UBE2D3: variants seen among roughly 807,000 people sequenced by gnomAD.
UBE2D3 encodes the protein ubiquitin-conjugating enzyme E2 D3.
UBE2D3 carries 2 observed loss-of-function variants against 22.8 expected under a neutral mutation model. The observed-to-expected ratio is 0.09, with a 90% confidence interval of 0.04 to 0.28. The LOEUF is 0.28. UBE2D3 is among the 10% of genes least tolerant of loss of function. The pLI is 1.00. For missense variants in UBE2D3, 27 were observed against 182.5 expected (o/e 0.15, Z 4.91); for synonymous variants, 56 against 60.4 (o/e 0.93, Z 0.34).
intron 7 of UBE2D3, 66 bp downstream of exon 7, chr4:102,799,341 C>G (rs1725756558): frequency 1.6e-6 from 2 of 1,287,688 alleles, no homozygotes; most frequent in Non-Finnish European, 2.2e-6. Flanking sequence ...GGCACTGTCA[C>G]AAGCAAAGTA....
chr4:102,809,447 T>C (rs539431805), intron 4 of UBE2D3: 8 of 540,078 alleles, frequency 1.5e-5, no homozygotes, highest in African/African-American at 1.3e-4. Context: ...TGGTAGGTCA[T>C]AGAGATGGCT....
Position 102,847,942 on chromosome 4 carries a change from TA to T in UBE2D3, c.-129+20772del, listed in dbSNP as rs768448048. ...TACAGGTATTAGCCACCATGCCCCT[TA>T]ACCCACGTATGCCTAGCGTTCCATT... On this transcript the variant is annotated intron_variant, in intron 1 of 7. Coordinates refer to the UBE2D3 transcript ENST00000338145. Among the ~76,000 whole-genome samples, 48 of 152,270 alleles carry T rather than the reference TA, an allele frequency of 3.2e-4. No individual in the cohort carries two copies. In the East Asian group the frequency reaches 3.5e-3, roughly 11 times the overall value.
chr4:102,829,725 A>G (rs911381023), upstream of UBE2D3, among the ~76,000 whole-genome samples: 1 of 151,948 alleles, frequency 6.6e-6, no homozygotes, highest in African/African-American at 2.4e-5. Context: ...ATCATATGAG[A>G]TCAGGAGTTC....
chr4:102,860,111 C>T (rs1358818180), intron 1 of UBE2D3, among the ~76,000 whole-genome samples: 6 of 152,090 alleles, frequency 3.9e-5, no homozygotes, highest in Non-Finnish European at 8.8e-5. Flanking sequence ...CCTCCCAAAG[C>T]ACTGGGATTA....
chr4:102,853,727 G>C (rs1196808313), intron 1 of UBE2D3, among the ~76,000 whole-genome samples: 2 of 152,112 alleles, frequency 1.3e-5, no homozygotes, highest in Admixed American at 6.5e-5. Context: ...GATCATGGGA[G>C]ACTGAAACGC....
At position 102,863,579 on chromosome 4, in the gene UBE2D3, C is replaced by G. The variant is rs546990489; in HGVS notation, c.-129+5136G>C. ...TACAATCTCAGCTCACTGCAACCTC[C>G]ATCTCCCGGGTTCAAGTGATTCTCA... On this transcript the variant is annotated intron_variant, in intron 1 of 7. Transcript: ENST00000338145. 2.6e-5 allele frequency among the ~76,000 whole-genome samples: 4 copies of G among 152,262 alleles called. No individual in the cohort carries two copies. The East Asian group carries it at 7.7e-4, about 29-fold the overall frequency.
intron 2 of UBE2D3, chr4:102,819,424 T>C (rs1015715136): frequency 9.6e-6 from 2 of 207,808 alleles, no homozygotes; most frequent in African/African-American, 2.4e-5. Flanking sequence ...ATTATGAATA[T>C]TCATGAAGCT....
At chr4:102,807,715 A>G (rs996561339) in intron 4 of UBE2D3, among the ~76,000 whole-genome samples, 13 of 152,264 alleles carry the variant, frequency 8.5e-5, no homozygotes, top group Non-Finnish European at 1.3e-4. Context: ...TTTTCTCAAA[A>G]TAACAGCAAA....
chr4:102,811,610 G>A, intron 2 of UBE2D3: 1 of 309,556 alleles, frequency 3.2e-6, no homozygotes, highest in South Asian at 2.5e-5. Context: ...GAACCTGGGA[G>A]GGAGAGGCTG....
intron 1 of UBE2D3, among the ~76,000 whole-genome samples, chr4:102,841,049 T>C (rs1731729671): frequency 1.3e-5 from 2 of 151,940 alleles, no homozygotes. Flanking sequence ...AATTTGGTAT[T>C]AAACTGGAAG....
At chr4:102,803,206 C>G (rs1336783589) in intron 4 of UBE2D3, among the ~76,000 whole-genome samples, 1 of 152,186 alleles carries the variant, frequency 6.6e-6, no homozygotes, top group Non-Finnish European at 1.5e-5. Context: ...AGAACTTAGT[C>G]TAGTGTACAA....
intron 1 of UBE2D3, chr4:102,827,209 G>C: frequency 1.0e-6 from 1 of 984,926 alleles, no homozygotes; most frequent in Non-Finnish European, 1.2e-6. Context: ...CCACGCGCCC[G>C]CGCTGTCCCT....
rs1489727859 is a variant in UBE2D3, at chr4:102,796,519, T to C, written c.*896A>G. 1 of 152,354 alleles carries C rather than the reference T, an allele frequency of 6.6e-6. No homozygotes were observed. The highest frequency in any genetic ancestry group is 2.4e-5 in the African/African-American group (1 of 41,410). The allele number at this position is 152,354 out of a possible 1,614,324, so 9.4% of individuals were successfully genotyped here. A position where few individuals can be genotyped will look rare whatever the true frequency, so the allele number is the denominator to read the frequency against. Reference sequence around the variant, plus strand: ...CAAACAATGAAGCAAATCCCAACAGTATATACAAAAAACAGCTTTGCATTT... The same window carrying C: ...CAAACAATGAAGCAAATCCCAACAGCATATACAAAAAACAGCTTTGCATTT... On this transcript the variant is annotated 3_prime_UTR_variant, in exon 8 of 8. Transcript: ENST00000453744.
intron 1 of UBE2D3, among the ~76,000 whole-genome samples, chr4:102,859,852 T>C (rs1035584506): frequency 1.0e-5 from 1 of 96,912 alleles, no homozygotes; most frequent in South Asian, 2.9e-4. Context: ...ATTTGATTTG[T>C]TTTTTTTTTT....
At chr4:102,824,922 C>A (rs2110330758) in intron 2 of UBE2D3, among the ~76,000 whole-genome samples, 2 of 152,298 alleles carry the variant, frequency 1.3e-5, no homozygotes, top group African/African-American at 4.8e-5. Flanking sequence ...TTACTTTAAT[C>A]CTTAACTCCT....
chr4:102,804,039 G>A (rs942580137), intron 4 of UBE2D3, among the ~76,000 whole-genome samples: 1 of 151,828 alleles, frequency 6.6e-6, no homozygotes, highest in African/African-American at 2.4e-5. Context: ...AAAATGTGCT[G>A]ATTATAGGTG....
chr4:102,839,500 T>C (rs910908246), intron 1 of UBE2D3, among the ~76,000 whole-genome samples: 3 of 152,186 alleles, frequency 2.0e-5, no homozygotes, highest in African/African-American at 7.2e-5. Flanking sequence ...CTTGAACTCC[T>C]GGGATCAAGC....
intron 1 of UBE2D3, 56 bp from the exon 2 acceptor site, chr4:102,826,692 GA>G: frequency 6.7e-7 from 1 of 1,482,606 alleles, no homozygotes; most frequent in Non-Finnish European, 8.9e-7. Flanking sequence ...AGCCCCTGAT[GA>G]ATCCAGGTCC....
chr4:102,827,410 T>A lies in UBE2D3; in HGVS notation c.-129+17A>T. 1.0e-6 allele frequency: 1 copy of A among 986,042 alleles called. No homozygotes were observed. The highest frequency in any genetic ancestry group is 1.7e-5 in the African/African-American group (1 of 57,352). The allele number at this position is 986,042 out of a possible 1,614,324, so 61.1% of individuals were successfully genotyped here. A position where few individuals can be genotyped will look rare whatever the true frequency, so the allele number is the denominator to read the frequency against. On this transcript the variant is annotated intron_variant, in intron 1 of 7. Coordinates refer to ENST00000453744, the MANE Select transcript of UBE2D3 (RefSeq NM_181891.3). ...CGGCCTCCCTTCCCTGCCCTAGCCG[T>A]CCACACCCACGCGTACAGAGGGGCC...
Sources: gnomAD v4.1 joint callset for allele counts (sites outside exome capture counted in the v4.1 genomes callset) on GRCh38, gnomAD v4.1.1 for gene constraint, MANE v1.5 for transcripts, NCBI Gene and HGNC (gene_info 2026-07-23, HGNC 2026-07-21) for gene names.